The following MICAL3 variants were observed in gnomAD, a reference collection of about 807,000 sequenced individuals.
MICAL3 encodes [F-actin]-monooxygenase MICAL3.
In MICAL3, 62 loss-of-function variants were observed where a neutral mutation model predicts 207.4. The ratio of observed to expected loss-of-function variants is 0.30; its 90% CI spans 0.24 to 0.37. The LOEUF (loss-of-function observed/expected upper bound fraction) is 0.37, where lower values mean the gene tolerates loss of function less well. Among genes scored for constraint, MICAL3 ranks in the 10% least tolerant of loss-of-function variants. The pLI is 1.00. For synonymous variants in MICAL3, 1,077 were observed against 1,069.3 expected (o/e 1.01, Z -0.14); for missense variants, 2,368 against 2,635.6 (o/e 0.90, Z 2.22).
intron 20 of MICAL3, among the ~76,000 whole-genome samples, chr22:17,833,620 G>C (rs994680679): frequency 6.6e-6 from 1 of 152,202 alleles, no homozygotes; most frequent in Non-Finnish European, 1.5e-5. Flanking sequence ...ACCTAGACAC[G>C]CCTGGGGTGC....
At chr22:17,901,121 T>A in intron 5 of MICAL3, 124 bp from the exon 6 acceptor site, 1 of 859,300 alleles carries the variant, frequency 1.2e-6, no homozygotes, top group East Asian at 2.4e-5. Context: ...ATGGGAAAGT[T>A]AGGGCAGCTC....
intron 19 of MICAL3, chr22:17,862,542 G>A (rs1056179700): frequency 4.1e-6 from 4 of 978,838 alleles, no homozygotes; most frequent in Admixed American, 1.2e-4. Flanking sequence ...TTACAGGCAT[G>A]AGCCATCGTG....
Position 17,791,018 on chromosome 22 carries a change from C to T in MICAL3, c.5804G>A (p.Arg1935Gln), listed in dbSNP as rs1047297470. Residue 1935 changes from arginine to glutamine, a missense_variant, in exon 31 of 32, where the codon CGG (arginine) becomes CAG (glutamine). By Grantham distance (43) the Arg-to-Gln change is conservative. This residue lies in a region of MICAL3 where 1,770 missense variants were observed against 1,863.2 expected (regional missense o/e 0.95). Transcript: ENST00000441493. The stretch of plus-strand genomic sequence containing the variant: ...CTCACCTTCCACTGCCATGCGTTCC[C>T]GGAGCTCCTGCTGCAGTCGACTCTG... ...DRQSRLQQELRERMAVEDHLK... is the reference protein window; with the variant it reads ...DRQSRLQQELQERMAVEDHLK... 1.3e-5 allele frequency: 21 copies of T among 1,612,296 alleles called. No homozygotes were observed. Among genetic ancestry groups the T allele is most frequent in the Admixed American group, 6.7e-5 (4 of 59,978 alleles).
chr22:17,826,287 T>C (rs887103419), intron 22 of MICAL3, among the ~76,000 whole-genome samples: 3 of 152,080 alleles, frequency 2.0e-5, no homozygotes, highest in Non-Finnish European at 4.4e-5. Flanking sequence ...GTGCGTCTGA[T>C]CCATGCAAGG....
At chr22:17,988,125 G>A (rs1921237560) in intron 1 of MICAL3, among the ~76,000 whole-genome samples, 2 of 152,082 alleles carry the variant, frequency 1.3e-5, no homozygotes. Context: ...GCGAGCATCC[G>A]ATATCTCTTG....
Position 17,841,698 on chromosome 22 carries a change from T to C in MICAL3, c.2801+124A>G. ...AGAACCTAAAAGGGACTGGGGAGAA[T>C]GGACTGCGGGCAGCAGGAAAGACAG... On this transcript the variant is annotated intron_variant, in intron 20 of 31. Transcript: ENST00000441493. This position sits in a 1 kb window ranked among gnomAD's most constrained non-coding sequence, Gnocchi z 4.2. 1 of 953,262 alleles carries C rather than the reference T, an allele frequency of 1.0e-6. No homozygotes were observed. The highest frequency in any genetic ancestry group is 1.6e-6 in the Non-Finnish European group (1 of 633,606). The allele number at this position is 953,262 out of a possible 1,614,324, so 59.1% of individuals were successfully genotyped here.
At chr22:17,989,007 T>TG (rs1191033226) in intron 1 of MICAL3, among the ~76,000 whole-genome samples, 4 of 152,136 alleles carry the variant, frequency 2.6e-5, no homozygotes, top group African/African-American at 9.7e-5. Flanking sequence ...ACAAATTTGC[T>TG]GACTCCTCCC....
chr22:17,954,975 C>T (rs967277281), intron 1 of MICAL3, among the ~76,000 whole-genome samples: 2 of 152,096 alleles, frequency 1.3e-5, no homozygotes, highest in Admixed American at 6.6e-5. Context: ...CCTCCCACCT[C>T]GGCCTCGCAA....
At chr22:17,864,472 G>A (rs1446142764) in intron 19 of MICAL3, 2 of 1,423,754 alleles carry the variant, frequency 1.4e-6, no homozygotes, top group Non-Finnish European at 1.8e-6. Context: ...GAGGAGCTTG[G>A]AAGCAAACTG....
chr22:17,791,114 G>A (rs2061819687), intron 30 of MICAL3, 43 bp from the exon 31 acceptor site: 1 of 1,605,820 alleles, frequency 6.2e-7, no homozygotes, highest in Non-Finnish European at 8.5e-7. Flanking sequence ...CAGTGACTGG[G>A]GACCACCCCT....
chr22:17,860,409 T>C, intron 19 of MICAL3: 5 of 985,428 alleles, frequency 5.1e-6, no homozygotes, highest in Non-Finnish European at 6.0e-6. Context: ...AATCCTCTCC[T>C]GTTGGGCTCT....
chr22:17,802,229 A>G (rs2145970882), intron 29 of MICAL3, among the ~76,000 whole-genome samples: 1 of 152,168 alleles, frequency 6.6e-6, no homozygotes, highest in South Asian at 2.1e-4. Context: ...TGCCCAGCTA[A>G]TTTTTAAAAT....
chr22:17,940,715 C>A (rs1026368482), intron 1 of MICAL3, among the ~76,000 whole-genome samples: 1 of 152,048 alleles, frequency 6.6e-6, no homozygotes, highest in African/African-American at 2.4e-5. Flanking sequence ...GGAAACCAGG[C>A]AGAAGAGGCA....
At chr22:17,835,887 G>C (rs1194037657) in intron 20 of MICAL3, among the ~76,000 whole-genome samples, 2 of 152,228 alleles carry the variant, frequency 1.3e-5, no homozygotes, top group Admixed American at 1.3e-4. Flanking sequence ...GTGTGGCCAG[G>C]ACAGCAGGAA....
At chr22:17,951,949 G>A (rs1424843112) in intron 1 of MICAL3, among the ~76,000 whole-genome samples, 2 of 152,076 alleles carry the variant, frequency 1.3e-5, no homozygotes, top group Admixed American at 6.5e-5. Context: ...CGCCCGCCTC[G>A]GCCTCCCAAA....
chr22:17,970,017 A>T (rs980420743), intron 1 of MICAL3, among the ~76,000 whole-genome samples: 1 of 152,166 alleles, frequency 6.6e-6, no homozygotes, highest in Non-Finnish European at 1.5e-5. Flanking sequence ...TTTGGTCCAC[A>T]TCTCTGCCCT....
In MICAL3 at chr22:17,863,486, T is replaced by C. The variant is rs1378138572; in HGVS notation, c.2605+1413A>G. On this transcript the variant is annotated intron_variant, in intron 19 of 31. Transcript: ENST00000441493. ...TGAGAGTGTCAGCTGCAAAGGCCTG[T>C]GGGTACTTCACGAGAAAGATGGATT... 6 of 985,324 alleles carry C rather than the reference T, an allele frequency of 6.1e-6. No homozygotes were observed. In the African/African-American group the frequency reaches 1.0e-4, roughly 17 times the overall value. 61.0% of individuals were successfully genotyped at this position (985,324 alleles called of 1,614,324 possible). A position where few individuals can be genotyped will look rare whatever the true frequency, so the allele number is the denominator to read the frequency against.
At chr22:17,877,171 G>T (rs200327792) in intron 16 of MICAL3, among the ~76,000 whole-genome samples, 573 of 29,412 alleles carry the variant, frequency 0.019, 3 homozygotes, top group African/African-American at 0.051. Flanking sequence ...ATGGAGGTTA[G>T]GGAGGTTAGG....
rs55654559 is a variant in MICAL3, at chr22:18,020,613, T to TAAAAAAAA, written c.-75+3660_-75+3667dup. 6.4e-4 allele frequency among the ~76,000 whole-genome samples: 77 copies of TAAAAAAAA among 119,756 alleles called. 4 individuals are homozygous for TAAAAAAAA. Among genetic ancestry groups the TAAAAAAAA allele is most frequent in the African/African-American group, 1.8e-3 (54 of 30,184 alleles). 78.6% of individuals were successfully genotyped at this position (119,756 alleles called of 152,430 possible). On this transcript the variant is annotated intron_variant, in intron 1 of 31. Coordinates refer to ENST00000441493, the MANE Select transcript of MICAL3 (RefSeq NM_015241.3). ...AAAATGGCTGTAAACCTTTAAAAAG[T>TAAAAAAAA]AAAAAAAAAAAAAAAAAAATAGGCT...
Sources: allele counts gnomAD v4.1 joint callset (sites outside exome capture counted in the v4.1 genomes callset), GRCh38; gene constraint gnomAD v4.1.1; regional missense constraint gnomAD v4.1.1; non-coding constraint Gnocchi (gnomAD v3.1); transcripts MANE v1.5; gene names NCBI Gene and HGNC (gene_info 2026-07-23, HGNC 2026-07-21).